The following SLC35F2 variants were observed in gnomAD, a reference collection of about 807,000 sequenced individuals.
SLC35F2 encodes solute carrier family 35 member F2.
SLC35F2 carries 25 observed loss-of-function variants against 38.1 expected under a neutral mutation model. The observed-to-expected ratio is 0.66, with a 90% CI of 0.48 to 0.92. SLC35F2 has a LOEUF of 0.92. SLC35F2 is among the 40% of genes least tolerant of loss of function. SLC35F2 has a pLI of 0.00. For missense variants in SLC35F2, 409 were observed against 452.9 expected (o/e 0.90, Z 0.88); for synonymous variants, 173 against 181.7 (o/e 0.95, Z 0.38).
At chr11:107,857,963 G>A (rs1311663322) in intron 1 of SLC35F2, among the ~76,000 whole-genome samples, 3 of 152,162 alleles carry the variant, frequency 2.0e-5, no homozygotes, top group Non-Finnish European at 4.4e-5. Context: ...TTTAGGTCCT[G>A]GGTTCTCTCA....
intron 3 of SLC35F2, chr11:107,810,952 T>A (rs1424749784): frequency 1.0e-6 from 1 of 974,452 alleles, no homozygotes; most frequent in African/African-American, 1.8e-5. Flanking sequence ...CACTTTTTTT[T>A]ATTATTTAAA....
intron 1 of SLC35F2, 200 bp from the exon 2 acceptor site, chr11:107,816,165 T>C (rs1859571043): frequency 1.0e-6 from 1 of 985,238 alleles, no homozygotes; most frequent in Non-Finnish European, 1.2e-6. Flanking sequence ...ATTTTTCTGA[T>C]CCCCTCCATT....
intron 4 of SLC35F2, chr11:107,805,742 A>G (rs1008210734): frequency 2.4e-6 from 2 of 838,516 alleles, no homozygotes; most frequent in South Asian, 5.5e-5. Context: ...CAGTGGCGCA[A>G]TCTCAGCTCA....
chr11:107,799,454 A>G (rs938791987), intron 7 of SLC35F2, among the ~76,000 whole-genome samples: 3 of 152,232 alleles, frequency 2.0e-5, no homozygotes, highest in African/African-American at 7.2e-5. Flanking sequence ...AGTGGTGGCC[A>G]GATGAAATGC....
chr11:107,830,254 T>C (rs10890764), intron 1 of SLC35F2, among the ~76,000 whole-genome samples: 8,771 of 152,252 alleles, frequency 0.058, 520 homozygotes, highest in African/African-American at 0.15. Context: ...CCATTATAAT[T>C]TTTAATATTT....
intron 5 of SLC35F2, 108 bp from the exon 6 acceptor site, chr11:107,804,878 T>C (rs969311625): frequency 1.7e-6 from 2 of 1,184,194 alleles, no homozygotes; most frequent in African/African-American, 1.6e-5. Flanking sequence ...ACATGGACAT[T>C]TGAATTTGTC....
chr11:107,820,166 A>T (rs115015351), intron 1 of SLC35F2, among the ~76,000 whole-genome samples: 5,079 of 151,528 alleles, frequency 0.034, 119 homozygotes, highest in African/African-American at 0.065. Context: ...GAGGGAGGAA[A>T]ATCGCTTGAA....
intron 7 of SLC35F2, 92 bp downstream of exon 7, chr11:107,802,909 G>T: frequency 8.0e-7 from 1 of 1,252,234 alleles, no homozygotes; most frequent in Non-Finnish European, 1.1e-6. Flanking sequence ...AGATGAGAAG[G>T]TTTTATTTTT....
At chr11:107,844,403 G>A (rs890208959) in intron 1 of SLC35F2, among the ~76,000 whole-genome samples, 26 of 151,940 alleles carry the variant, frequency 1.7e-4, no homozygotes, top group Middle Eastern at 3.2e-3. Flanking sequence ...CGAGGCAGAC[G>A]GATCACCTAA....
At chr11:107,852,612 G>A (rs979340752) in intron 1 of SLC35F2, among the ~76,000 whole-genome samples, 1 of 151,904 alleles carries the variant, frequency 6.6e-6, no homozygotes, top group Non-Finnish European at 1.5e-5. Context: ...GCTCATGCCT[G>A]TAATCCCAGC....
intron 1 of SLC35F2, among the ~76,000 whole-genome samples, chr11:107,824,904 C>T (rs1375117558): frequency 6.6e-6 from 1 of 152,194 alleles, no homozygotes; most frequent in Non-Finnish European, 1.5e-5. Flanking sequence ...TCTATATATG[C>T]ACCATCCAAT....
intron 1 of SLC35F2, among the ~76,000 whole-genome samples, chr11:107,846,940 A>AT (rs978606063): frequency 6.4e-4 from 97 of 151,922 alleles, no homozygotes; most frequent in African/African-American, 2.1e-3. Context: ...AAAAAAAAAA[A>AT]AAAAGTGAAT....
At position 107,822,939 on chromosome 11, in the gene SLC35F2, T is replaced by TTA. The variant is rs1017707940; in HGVS notation, c.111-6976_111-6975dup. Reference sequence around the variant, plus strand: ...GCCTAATTTAAACACTAGTTTTACATTATATATATATATGAGACACAATGA... The same window carrying TTA: ...GCCTAATTTAAACACTAGTTTTACATTATATATATATATATGAGACACAATGA... On this transcript the variant is annotated intron_variant, in intron 1 of 7. Transcript: ENST00000525815. Among the ~76,000 whole-genome samples the TTA allele has an allele frequency of 4.9e-4, 72 of 147,860 alleles. 1 individual carries two copies. The highest frequency in any genetic ancestry group is 2.7e-3 in the South Asian group (13 of 4,792).
chr11:107,803,200 A>G (rs370740804), intron 6 of SLC35F2, 45 bp from the exon 7 acceptor site: 198 of 1,553,622 alleles, frequency 1.3e-4, no homozygotes, highest in Non-Finnish European at 1.6e-4. Context: ...GCAAGAAAAC[A>G]TAAGACAAAG....
chr11:107,847,992 T>C (rs1398956613), intron 1 of SLC35F2, among the ~76,000 whole-genome samples: 1 of 152,134 alleles, frequency 6.6e-6, no homozygotes, highest in Non-Finnish European at 1.5e-5. Flanking sequence ...ATATGAAGTA[T>C]CTAGAGAAGT....
At chr11:107,816,379 T>C (rs1387849374) in intron 1 of SLC35F2, 2 of 689,384 alleles carry the variant, frequency 2.9e-6, no homozygotes, top group Non-Finnish European at 3.6e-6. Context: ...CCTCCCAGAC[T>C]CAAGCAATCC....
In SLC35F2 at chr11:107,791,653, C is replaced by T. The variant is rs1172281019; in HGVS notation, c.*962G>A. 1 of 152,246 alleles carries T rather than the reference C, an allele frequency of 6.6e-6. No individual in the cohort carries two copies. The highest frequency in any genetic ancestry group is 6.5e-5 in the Admixed American group (1 of 15,268). 9.4% of individuals were successfully genotyped at this position (152,246 alleles called of 1,614,324 possible). On this transcript the variant is annotated 3_prime_UTR_variant, in exon 8 of 8. Transcript: ENST00000525815. Reference sequence around the variant, plus strand: ...CTTTCGGAGGCCGAGGTGGGCAGATCGCTTTAGCTCAGGAATTTGAGATTA... The same window carrying T: ...CTTTCGGAGGCCGAGGTGGGCAGATTGCTTTAGCTCAGGAATTTGAGATTA...
At chr11:107,794,073 T>C (rs980593973) in intron 7 of SLC35F2, among the ~76,000 whole-genome samples, 3 of 141,704 alleles carry the variant, frequency 2.1e-5, no homozygotes, top group Middle Eastern at 3.6e-3. Flanking sequence ...GAAATCAGTC[T>C]GTATTTTTTC....
In SLC35F2 at chr11:107,811,832, C is replaced by A. The variant is rs573772069; in HGVS notation, c.287-38G>T. On this transcript the variant is annotated intron_variant, in intron 2 of 7. Coordinates refer to ENST00000525815, the MANE Select transcript of SLC35F2 (RefSeq NM_017515.5). ...AATATGGGTTAGTACATGTTACTTGCAAATGATACCATACATGTTGATTTG... is the reference window on the plus strand; with the variant it reads ...AATATGGGTTAGTACATGTTACTTGAAAATGATACCATACATGTTGATTTG... The A allele has an allele frequency of 3.1e-4, 486 of 1,571,566 alleles. 4 individuals are homozygous for A. In the South Asian group the frequency reaches 5.2e-3, roughly 17 times the overall value.
Sources: allele counts gnomAD v4.1 joint callset (sites outside exome capture counted in the v4.1 genomes callset), GRCh38; gene constraint gnomAD v4.1.1; transcripts MANE v1.5; gene names NCBI Gene and HGNC (gene_info 2026-07-23, HGNC 2026-07-21).